CSMD2: variants seen among roughly 807,000 people sequenced by gnomAD.
CSMD2 encodes the protein CUB and Sushi multiple domains 2.
CSMD2 carries 130 observed loss-of-function variants against 398.5 expected under a neutral mutation model. The ratio of observed to expected loss-of-function variants is 0.33; its 90% CI spans 0.28 to 0.38. The LOEUF (loss-of-function observed/expected upper bound fraction) is 0.38. Among genes scored for constraint, CSMD2 ranks in the 10% least tolerant of loss-of-function variants. CSMD2 has a pLI of 1.00. For synonymous variants in CSMD2, 1,828 were observed against 1,908.5 expected (o/e 0.96, Z 1.10); for missense variants, 3,829 against 4,764.9 (o/e 0.80, Z 5.78).
intron 5 of CSMD2, among the ~76,000 whole-genome samples, chr1:33,910,781 C>T (rs766742166): frequency 6.4e-4 from 98 of 152,202 alleles, no homozygotes; most frequent in Non-Finnish European, 1.0e-3. Flanking sequence ...AACTAACACA[C>T]AAGAGAGCAA....
chr1:34,057,176 A>T (rs952480486), intron 2 of CSMD2, among the ~76,000 whole-genome samples: 3 of 152,008 alleles, frequency 2.0e-5, no homozygotes, highest in Non-Finnish European at 4.4e-5. Flanking sequence ...TGGAGTCTTG[A>T]TCTCCTCAAG....
chr1:34,145,593 T>C (rs1251183540), intron 1 of CSMD2, among the ~76,000 whole-genome samples: 2 of 152,224 alleles, frequency 1.3e-5, no homozygotes, highest in Admixed American at 1.3e-4. Context: ...TGAATCCATG[T>C]CCTTCTTAAT....
chr1:33,724,534 C>A lies in CSMD2; in HGVS notation c.2866G>T (p.Ala956Ser), dbSNP rs766051400. The change falls in exon 18 of 71, where the codon GCC becomes TCC. Residue 956 changes from alanine (A) to serine (S), a missense_variant. This residue lies in a region of CSMD2 where 2,001 missense variants were observed against 2,567.1 expected (regional missense o/e 0.78). Transcript: ENST00000373381. ...CCCTCACCTTCACAACTGGGCAGGG[C>A]CCGGCTCCACTGGAAGTTGGGCTCA... ...ECEPNFQWSR[A>S]LPSCEALCGG... 8 of 1,613,904 alleles carry A rather than the reference C, an allele frequency of 5.0e-6. No homozygotes were observed. The highest frequency in any genetic ancestry group is 1.3e-5 in the African/African-American group (1 of 75,038).
chr1:33,533,279 G>A lies in CSMD2; in HGVS notation c.9992-50C>T. On this transcript the variant is annotated intron_variant, in intron 63 of 70. Coordinates refer to ENST00000373381, the MANE Select transcript of CSMD2 (RefSeq NM_001281956.2). The surrounding 1 kb of genome is among the most constrained non-coding windows in gnomAD (Gnocchi z 4.2). The stretch of plus-strand genomic sequence containing the variant: ...GGACTGGAGGAGATTAGGGGCTTCA[G>A]GGGCCCTTTCGACCATTCCCCTGTT... 6 of 1,553,890 alleles carry A rather than the reference G, an allele frequency of 3.9e-6. No individual in the cohort carries two copies. The highest frequency in any genetic ancestry group is 5.3e-6 in the Non-Finnish European group (6 of 1,134,568).
chr1:33,688,441 G>A (rs1043325736), intron 25 of CSMD2, among the ~76,000 whole-genome samples: 2 of 152,180 alleles, frequency 1.3e-5, no homozygotes, highest in Non-Finnish European at 2.9e-5. Context: ...TATTTTATGT[G>A]GGGTGTGAGG....
chr1:33,926,644 A>AGT (rs1423392746), intron 4 of CSMD2, among the ~76,000 whole-genome samples: 1 of 152,226 alleles, frequency 6.6e-6, no homozygotes, highest in East Asian at 1.9e-4. Flanking sequence ...GTCATAAAAT[A>AGT]TAACCTTCAG....
At chr1:33,535,838 C>T (rs10914739) in intron 62 of CSMD2, among the ~76,000 whole-genome samples, 25,327 of 152,210 alleles carry the variant, frequency 0.17, 2,642 homozygotes, top group East Asian at 0.34. Flanking sequence ...GCTAGCCCTT[C>T]TCATCATGGA....
chr1:33,943,938 A>G (rs1644759572), intron 3 of CSMD2, among the ~76,000 whole-genome samples: 1 of 151,650 alleles, frequency 6.6e-6, no homozygotes, highest in African/African-American at 2.4e-5. Context: ...ACACACACAC[A>G]CACACACACA....
intron 64 of CSMD2, among the ~76,000 whole-genome samples, chr1:33,530,119 C>T (rs61801992): frequency 0.054 from 8,241 of 152,154 alleles, 327 homozygotes; most frequent in Non-Finnish European, 0.086. Context: ...AGCTTCTGCA[C>T]AGCAAAGGAA....
Position 33,654,920 on chromosome 1 carries a change from T to C in CSMD2, c.4448-2459A>G, listed in dbSNP as rs546644166. On this transcript the variant is annotated intron_variant, in intron 27 of 70. Transcript: ENST00000373381. ...TCTCCCACCAACCCCCAAAGTACTATCAGTGTCTCTGGGTTCTAGGCTGCT... is the reference window on the plus strand; with the variant it reads ...TCTCCCACCAACCCCCAAAGTACTACCAGTGTCTCTGGGTTCTAGGCTGCT... Among the ~76,000 whole-genome samples, 4 of 152,340 alleles carry C rather than the reference T, an allele frequency of 2.6e-5. No individual in the cohort carries two copies. In the East Asian group the frequency reaches 5.8e-4, roughly 22 times the overall value.
At chr1:34,045,066 CA>C (rs1388571933) in intron 2 of CSMD2, among the ~76,000 whole-genome samples, 21 of 152,012 alleles carry the variant, frequency 1.4e-4, no homozygotes, top group Non-Finnish European at 2.1e-4. Context: ...CACACACACA[CA>C]CACACACACA....
intron 2 of CSMD2, 55 bp downstream of exon 2, chr1:34,088,922 T>G: frequency 2.1e-6 from 3 of 1,417,408 alleles, no homozygotes; most frequent in South Asian, 2.3e-5. Context: ...TTCCTCCTAG[T>G]GAGCTTGGCT....
intron 27 of CSMD2, 92 bp from the exon 28 acceptor site, chr1:33,652,553 C>T: frequency 6.9e-7 from 1 of 1,456,322 alleles, no homozygotes; most frequent in Non-Finnish European, 9.4e-7. Context: ...AGAGGAGAGG[C>T]TGAGGCTGAC....
intron 14 of CSMD2, among the ~76,000 whole-genome samples, chr1:33,741,224 T>A (rs1647054763): frequency 6.6e-6 from 1 of 151,934 alleles, no homozygotes; most frequent in African/African-American, 2.4e-5. Context: ...AAATCTAGAG[T>A]GCCTGCTAGC....
intron 29 of CSMD2, among the ~76,000 whole-genome samples, chr1:33,639,158 T>G (rs76393238): frequency 6.6e-6 from 1 of 152,246 alleles, no homozygotes; most frequent in African/African-American, 2.4e-5. Context: ...GTTGCCATCT[T>G]GGATCGGAGA....
In CSMD2 at chr1:33,540,620, G is replaced by A; in HGVS notation, c.9536C>T (p.Thr3179Ile). Residue 3179 changes from threonine to isoleucine, a missense_variant, in exon 60 of 71, where the codon ACT becomes ATT. Transcript: ENST00000373381. ...GSDFMWGSSV[T>I]YACLEGYQLS... is the part of the protein sequence containing the mutation. ...CTGGTACCCCTCCAGGCAGGCATAA[G>A]TCACACTTGAGCCCCACATGAAGTC... 1 of 1,614,204 alleles carries A rather than the reference G, an allele frequency of 6.2e-7. No homozygotes were observed.
chr1:34,128,525 G>A (rs987789702), intron 1 of CSMD2, among the ~76,000 whole-genome samples: 15 of 152,324 alleles, frequency 9.8e-5, no homozygotes, highest in Non-Finnish European at 4.4e-5. Flanking sequence ...AGACCTGGGT[G>A]TTCAAAGAAG....
In CSMD2 at chr1:34,012,520, C is replaced by T. The variant is rs1024097063; in HGVS notation, c.517+20074G>A. Among the ~76,000 whole-genome samples, 9 of 152,014 alleles carry T rather than the reference C, an allele frequency of 5.9e-5. No homozygotes were observed. In the South Asian group the frequency reaches 1.0e-3, roughly 18 times the overall value. ...ACAATGGCGTGATCTTGGCTCGCTG[C>T]GACCTCTGCCTCCCAGGTTCAAGTG... On this transcript the variant is annotated intron_variant, in intron 3 of 70. Transcript: ENST00000373381.
chr1:33,781,075 C>T (rs567309159), intron 12 of CSMD2, among the ~76,000 whole-genome samples: 3 of 152,284 alleles, frequency 2.0e-5, no homozygotes, highest in Non-Finnish European at 4.4e-5. Flanking sequence ...CAGCAGTGCC[C>T]ACCACTGGAG....
Sources: gnomAD v4.1 joint callset for allele counts (sites outside exome capture counted in the v4.1 genomes callset) on GRCh38, gnomAD v4.1.1 for gene constraint, gnomAD v4.1.1 regional missense constraint, Gnocchi (gnomAD v3.1) non-coding constraint, MANE v1.5 for transcripts, NCBI Gene and HGNC (gene_info 2026-07-23, HGNC 2026-07-21) for gene names.